Variants in KIRREL3 observed in about 807,000 individuals in gnomAD.
The protein encoded by KIRREL3 is kirre like nephrin family adhesion molecule 3, also known as kin of IRRE-like protein 3.
KIRREL3 carries 36 observed loss-of-function variants against 89.7 expected under a neutral mutation model. That is an observed-to-expected ratio of 0.40 (90% confidence interval 0.31 to 0.53). KIRREL3 has a LOEUF of 0.53. Among genes scored for constraint, KIRREL3 ranks in the 20% least tolerant of loss-of-function variants. KIRREL3 has a pLI of 0.49. For missense variants in KIRREL3, 864 were observed against 1,056.6 expected (o/e 0.82, Z 2.53); for synonymous variants, 445 against 441.4 (o/e 1.01, Z -0.10).
At chr11:126,425,874 G>A (rs1954924998) in intron 15 of KIRREL3, 150 bp from the exon 16 acceptor site, 1 of 624,128 alleles carries the variant, frequency 1.6e-6, no homozygotes, top group South Asian at 2.3e-5. Context: ...GTCAAGATGA[G>A]TTCCTGGAGC....
intron 1 of KIRREL3, among the ~76,000 whole-genome samples, chr11:126,979,489 A>AATTTGGG (rs1949665973): frequency 6.6e-6 from 1 of 152,222 alleles, no homozygotes. Context: ...CAGAGCACTG[A>AATTTGGG]AGCCTGACTC....
chr11:126,492,513 G>A lies in KIRREL3; in HGVS notation c.434-19047C>T, dbSNP rs995303474. On this transcript the variant is annotated intron_variant, in intron 4 of 16. Transcript: ENST00000525144. The surrounding 1 kb of genome is among the most constrained non-coding windows in gnomAD (Gnocchi z 4.8). Reference sequence around the variant, plus strand: ...AGGTGTTTCTATCTGTAGGGGCCGAGGGGCTAGGGGAGCATGGGGCTGGAG... The same window carrying A: ...AGGTGTTTCTATCTGTAGGGGCCGAAGGGCTAGGGGAGCATGGGGCTGGAG... 6.6e-6 allele frequency among the ~76,000 whole-genome samples: 1 copy of A among 152,180 alleles called. No homozygotes were observed. Among genetic ancestry groups the A allele is most frequent in the Admixed American group, 6.5e-5 (1 of 15,272 alleles).
In KIRREL3 at chr11:126,805,701, A is replaced by C. The variant is rs1376157006; in HGVS notation, c.55+194754T>G. ...ATTACGTTTTTATTTACTACTATGTATGTAAATGAAAGAAAGAAAAGGGAA... is the reference window on the plus strand; with the variant it reads ...ATTACGTTTTTATTTACTACTATGTCTGTAAATGAAAGAAAGAAAAGGGAA... On this transcript the variant is annotated intron_variant, in intron 1 of 16. Coordinates refer to ENST00000525144, the MANE Select transcript of KIRREL3 (RefSeq NM_032531.4). The surrounding 1 kb of genome is among the most constrained non-coding windows in gnomAD (Gnocchi z 4.3). Among the ~76,000 whole-genome samples the C allele has an allele frequency of 6.6e-6, 1 of 152,226 alleles. No homozygotes were observed. The highest frequency in any genetic ancestry group is 1.5e-5 in the Non-Finnish European group (1 of 68,042).
chr11:126,573,861 G>A (rs937181300), intron 1 of KIRREL3, among the ~76,000 whole-genome samples: 20 of 152,134 alleles, frequency 1.3e-4, no homozygotes, highest in Non-Finnish European at 2.8e-4. Context: ...TCCGCGGGGG[G>A]ACCTCTTGCT....
rs949703440 is a variant in KIRREL3, at chr11:126,607,301, T to G, written c.56-44389A>C. ...AGGCGAGGAAGTCGCCATAACACAT[T>G]TGGTGTGGTTTTGGGCAGACAGAAC... On this transcript the variant is annotated intron_variant, in intron 1 of 16. Transcript: ENST00000525144. The surrounding 1 kb of genome is among the most constrained non-coding windows in gnomAD (Gnocchi z 6.6). 6.6e-6 allele frequency among the ~76,000 whole-genome samples: 1 copy of G among 152,098 alleles called. No individual in the cohort carries two copies. Among genetic ancestry groups the G allele is most frequent in the African/African-American group, 2.4e-5 (1 of 41,402 alleles).
rs1943855345 is a variant in KIRREL3 at position 126,627,777 on chromosome 11, A to T, written c.56-64865T>A. The stretch of plus-strand genomic sequence containing the variant: ...GGGGGGTGTTGGCAGGATTAGAGGG[A>T]TGTCAGATGCTCAGAGAGAACTCAC... On this transcript the variant is annotated intron_variant, in intron 1 of 16. Transcript: ENST00000525144. This position sits in a 1 kb window ranked among gnomAD's most constrained non-coding sequence, Gnocchi z 5.0. Among the ~76,000 whole-genome samples, 1 of 152,118 alleles carries T rather than the reference A, an allele frequency of 6.6e-6. No individual in the cohort carries two copies. Among genetic ancestry groups the T allele is most frequent in the Non-Finnish European group, 1.5e-5 (1 of 68,012 alleles).
At chr11:126,692,167 G>A (rs1044700467) in intron 1 of KIRREL3, among the ~76,000 whole-genome samples, 20 of 152,130 alleles carry the variant, frequency 1.3e-4, no homozygotes, top group African/African-American at 4.8e-4. Flanking sequence ...TTCCACTTCT[G>A]AGTAGACATC....
intron 1 of KIRREL3, among the ~76,000 whole-genome samples, chr11:126,825,867 G>A (rs976502611): frequency 2.0e-5 from 3 of 152,192 alleles, no homozygotes; most frequent in African/African-American, 7.2e-5. Flanking sequence ...AGGCCGCCGA[G>A]TTGATACGTT....
chr11:126,518,323 A>G (rs1220824124), intron 4 of KIRREL3, among the ~76,000 whole-genome samples: 1 of 152,226 alleles, frequency 6.6e-6, no homozygotes, highest in Non-Finnish European at 1.5e-5. Flanking sequence ...CGGCAGATGC[A>G]TATTTTAACA....
Position 126,879,848 on chromosome 11 carries a change from T to C in KIRREL3, c.55+120607A>G, listed in dbSNP as rs1295441476. Among the ~76,000 whole-genome samples the C allele has an allele frequency of 6.6e-6, 1 of 152,164 alleles. No individual in the cohort carries two copies. The highest frequency in any genetic ancestry group is 1.5e-5 in the Non-Finnish European group (1 of 68,030). ...CTGTCTCCAGAGACAAACAACATCATGCCCCTCACTGAGTGGTTAGCCTGC... is the reference window on the plus strand; with the variant it reads ...CTGTCTCCAGAGACAAACAACATCACGCCCCTCACTGAGTGGTTAGCCTGC... On this transcript the variant is annotated intron_variant, in intron 1 of 16. Transcript: ENST00000525144. The surrounding 1 kb of genome is among the most constrained non-coding windows in gnomAD (Gnocchi z 5.4).
chr11:126,616,424 AC>A (rs1943353472), intron 1 of KIRREL3, among the ~76,000 whole-genome samples: 1 of 151,044 alleles, frequency 6.6e-6, no homozygotes, highest in Non-Finnish European at 1.5e-5. Context: ...TTCAGTCATG[AC>A]CCTCCTGTTA....
At position 126,739,918 on chromosome 11, in the gene KIRREL3, A is replaced by G. The variant is rs1410232008; in HGVS notation, c.56-177006T>C. 6.6e-6 allele frequency among the ~76,000 whole-genome samples: 1 copy of G among 152,204 alleles called. No homozygotes were observed. Among genetic ancestry groups the G allele is most frequent in the African/African-American group, 2.4e-5 (1 of 41,448 alleles). ...CTTTGATCAGTTTGACGGGTTTAGT[A>G]TTATAGAAATATTTCATTGTTTCAG... On this transcript the variant is annotated intron_variant, in intron 1 of 16. Coordinates refer to ENST00000525144, the MANE Select transcript of KIRREL3 (RefSeq NM_032531.4). This position sits in a 1 kb window ranked among gnomAD's most constrained non-coding sequence, Gnocchi z 5.5.
At chr11:126,785,411 G>A (rs1950456873) in intron 1 of KIRREL3, among the ~76,000 whole-genome samples, 1 of 152,150 alleles carries the variant, frequency 6.6e-6, no homozygotes, top group Non-Finnish European at 1.5e-5. Flanking sequence ...AGCCTCACTT[G>A]TCCCTTCCTT....
At position 126,909,290 on chromosome 11, in the gene KIRREL3, T is replaced by G. The variant is rs531150879; in HGVS notation, c.55+91165A>C. The stretch of plus-strand genomic sequence containing the variant: ...AGGCTCCGGCCTGGGACTCTTTACA[T>G]TATAAGTGTGTGGCCCTGGGATCAA... On this transcript the variant is annotated intron_variant, in intron 1 of 16. Coordinates refer to ENST00000525144, the MANE Select transcript of KIRREL3 (RefSeq NM_032531.4). The surrounding 1 kb of genome is among the most constrained non-coding windows in gnomAD (Gnocchi z 4.5). Among the ~76,000 whole-genome samples, 2 of 152,064 alleles carry G rather than the reference T, an allele frequency of 1.3e-5. No individual in the cohort carries two copies. The highest frequency in any genetic ancestry group is 2.9e-5 in the Non-Finnish European group (2 of 68,004).
rs1388847641 is a variant in KIRREL3 at position 126,761,923 on chromosome 11, A to G, written c.56-199011T>C. ...GCTGGGTGAGGTGGCTCAAGCCTGT[A>G]ATCCCAACACTTTGGGAGGCCGAGG... On this transcript the variant is annotated intron_variant, in intron 1 of 16. Transcript: ENST00000525144. The surrounding 1 kb of genome is among the most constrained non-coding windows in gnomAD (Gnocchi z 4.4). Among the ~76,000 whole-genome samples the G allele has an allele frequency of 1.3e-5, 2 of 152,190 alleles. No individual in the cohort carries two copies. Among genetic ancestry groups the G allele is most frequent in the Admixed American group, 1.3e-4 (2 of 15,280 alleles).
rs1940669475 is a variant in KIRREL3 at position 126,568,334 on chromosome 11, C to A, written c.56-5422G>T. On this transcript the variant is annotated intron_variant, in intron 1 of 16. Transcript: ENST00000525144. The surrounding 1 kb of genome is among the most constrained non-coding windows in gnomAD (Gnocchi z 4.6). Reference sequence around the variant, plus strand: ...CAGAGAAGGGAGGCTGGCTGGGAGACCGCTGCCATACTCCAGGTGGGAGAT... The same window carrying A: ...CAGAGAAGGGAGGCTGGCTGGGAGAACGCTGCCATACTCCAGGTGGGAGAT... Among the ~76,000 whole-genome samples, 1 of 152,184 alleles carries A rather than the reference C, an allele frequency of 6.6e-6. No homozygotes were observed. The highest frequency in any genetic ancestry group is 1.5e-5 in the Non-Finnish European group (1 of 68,026).
rs1350150693 is a variant in KIRREL3 at position 126,579,651 on chromosome 11, T to C, written c.56-16739A>G. ...ACCTGTGGCCCTAGAGTGGGGAGCA[T>C]TGAGGTTGGATGGCATTTGTATCTA... On this transcript the variant is annotated intron_variant, in intron 1 of 16. Coordinates refer to ENST00000525144, the MANE Select transcript of KIRREL3 (RefSeq NM_032531.4). The surrounding 1 kb of genome is among the most constrained non-coding windows in gnomAD (Gnocchi z 5.3). Among the ~76,000 whole-genome samples the C allele has an allele frequency of 5.3e-5, 8 of 151,992 alleles. No individual in the cohort carries two copies. The highest frequency in any genetic ancestry group is 7.4e-5 in the Non-Finnish European group (5 of 67,984).
At chr11:126,815,981 C>T (rs1951560608) in intron 1 of KIRREL3, among the ~76,000 whole-genome samples, 1 of 152,194 alleles carries the variant, frequency 6.6e-6, no homozygotes, top group South Asian at 2.1e-4. Flanking sequence ...TGAGTTCATC[C>T]ACTACAGATG....
intron 5 of KIRREL3, among the ~76,000 whole-genome samples, chr11:126,470,765 A>G (rs950017932): frequency 6.6e-5 from 10 of 152,182 alleles, no homozygotes; most frequent in Non-Finnish European, 1.3e-4. Context: ...GGGCAAGGGC[A>G]GAGGCCAGGG....
Sources: gnomAD v4.1 joint callset for allele counts (sites outside exome capture counted in the v4.1 genomes callset) on GRCh38, gnomAD v4.1.1 for gene constraint, Gnocchi (gnomAD v3.1) non-coding constraint, MANE v1.5 for transcripts, NCBI Gene and HGNC (gene_info 2026-07-23, HGNC 2026-07-21) for gene names.